The following INPP4B variants were observed in gnomAD, a reference collection of about 807,000 sequenced individuals.
INPP4B encodes inositol polyphosphate-4-phosphatase type II B, also known as inositol polyphosphate 4-phosphatase type II.
In INPP4B, 55 loss-of-function variants were observed where a neutral mutation model predicts 122.5. That is an observed-to-expected ratio of 0.45 (90% CI 0.36 to 0.56). INPP4B has a LOEUF of 0.56. INPP4B is among the 20% of genes least tolerant of loss of function. INPP4B has a pLI of 0.00. For missense variants in INPP4B, 1,000 were observed against 1,097.7 expected (o/e 0.91, Z 1.26); for synonymous variants, 403 against 388.7 (o/e 1.04, Z -0.43).
chr4:142,581,904 G>C (rs144281165), intron 2 of INPP4B, among the ~76,000 whole-genome samples: 51 of 152,122 alleles, frequency 3.4e-4, no homozygotes, highest in South Asian at 1.2e-3. Flanking sequence ...TGGCTGGCAT[G>C]AGAGAGGCTC....
chr4:142,050,422 TAAAAAC>T (rs1485049445), intron 25 of INPP4B, among the ~76,000 whole-genome samples: 4 of 151,972 alleles, frequency 2.6e-5, no homozygotes, highest in African/African-American at 9.7e-5. Context: ...AAAGAATAAT[TAAAAAC>T]AAAAAAGATT....
intron 2 of INPP4B, among the ~76,000 whole-genome samples, chr4:142,586,378 C>T (rs977109586): frequency 2.0e-5 from 3 of 152,080 alleles, no homozygotes; most frequent in African/African-American, 7.2e-5. Context: ...ATCCCTAAGT[C>T]TCCTTGTGTA....
intron 1 of INPP4B, among the ~76,000 whole-genome samples, chr4:142,838,448 C>T (rs1783090817): frequency 6.6e-6 from 1 of 151,970 alleles, no homozygotes. Flanking sequence ...AGTGTATACT[C>T]TTCTTTACTC....
intron 11 of INPP4B, among the ~76,000 whole-genome samples, chr4:142,259,845 C>G (rs1466692435): frequency 1.3e-5 from 2 of 152,060 alleles, no homozygotes; most frequent in African/African-American, 4.8e-5. Flanking sequence ...ACACCTTAGC[C>G]TAGGCCCACA....
intron 2 of INPP4B, among the ~76,000 whole-genome samples, chr4:142,644,750 A>AG: frequency 6.9e-6 from 1 of 145,390 alleles, no homozygotes. Flanking sequence ...TAAAAAAAAA[A>AG]AAAAAAAAAA....
chr4:142,538,569 C>T, intron 2 of INPP4B, among the ~76,000 whole-genome samples: 1 of 151,870 alleles, frequency 6.6e-6, no homozygotes, highest in East Asian at 1.9e-4. Context: ...AAAAGGATAC[C>T]TTCGTTGTCT....
intron 14 of INPP4B, among the ~76,000 whole-genome samples, chr4:142,207,160 C>T (rs576904865): frequency 1.3e-5 from 2 of 152,156 alleles, no homozygotes; most frequent in African/African-American, 2.4e-5. Context: ...AATAATAATC[C>T]AATCTTTGTA....
chr4:142,625,631 A>G (rs1580539702), intron 2 of INPP4B, among the ~76,000 whole-genome samples: 2 of 152,152 alleles, frequency 1.3e-5, no homozygotes, highest in South Asian at 2.1e-4. Context: ...GGAAAAAACT[A>G]CTTTAAAGTT....
At chr4:142,202,937 A>G (rs1841294709) in intron 14 of INPP4B, among the ~76,000 whole-genome samples, 3 of 151,994 alleles carry the variant, frequency 2.0e-5, no homozygotes, top group African/African-American at 7.2e-5. Context: ...GGTCTCCTTT[A>G]TTACTGTATG....
intron 25 of INPP4B, among the ~76,000 whole-genome samples, chr4:142,060,621 T>G (rs186177356): frequency 0.016 from 2,375 of 152,272 alleles, 79 homozygotes; most frequent in African/African-American, 0.055. Flanking sequence ...TTTTAACCCG[T>G]CTGTGGCTGT....
rs150344834 is a variant in INPP4B, at chr4:142,529,106, AC to A, written c.-190-66381del. 1.7e-3 allele frequency among the ~76,000 whole-genome samples: 253 copies of A among 152,214 alleles called. 2 individuals are homozygous for A. The highest frequency in any genetic ancestry group is 5.8e-3 in the African/African-American group (241 of 41,568). On this transcript the variant is annotated intron_variant, in intron 2 of 25. Coordinates refer to ENST00000262992, the MANE Select transcript of INPP4B (RefSeq NM_001101669.3). ...TGGCATTTCTCCTATCCATGAAACCACAGTGAGCCAATGTTTTAAAAATGAC... is the reference window on the plus strand; with the variant it reads ...TGGCATTTCTCCTATCCATGAAACCAAGTGAGCCAATGTTTTAAAAATGAC...
chr4:142,305,781 G>A (rs907371499), intron 8 of INPP4B: 11 of 1,301,102 alleles, frequency 8.5e-6, no homozygotes, highest in African/African-American at 7.6e-5. Context: ...ATAACAAGAG[G>A]TAAAATACAG....
intron 12 of INPP4B, among the ~76,000 whole-genome samples, chr4:142,236,214 T>A (rs1856649026): frequency 6.6e-6 from 1 of 152,216 alleles, no homozygotes. Flanking sequence ...ATGGCTCTAG[T>A]AAGAGTGGTT....
chr4:142,828,323 C>G (rs1002181553), intron 1 of INPP4B, among the ~76,000 whole-genome samples: 7 of 152,010 alleles, frequency 4.6e-5, no homozygotes, highest in Non-Finnish European at 8.8e-5. Flanking sequence ...TTACACAATA[C>G]TCAAAAGTGA....
At chr4:142,552,265 A>G (rs976559188) in intron 2 of INPP4B, among the ~76,000 whole-genome samples, 1 of 152,118 alleles carries the variant, frequency 6.6e-6, no homozygotes, top group African/African-American at 2.4e-5. Flanking sequence ...TGCTGAAGGG[A>G]AGATTCTGAT....
At chr4:142,575,364 T>A (rs1036442681) in intron 2 of INPP4B, among the ~76,000 whole-genome samples, 1 of 152,048 alleles carries the variant, frequency 6.6e-6, no homozygotes, top group Non-Finnish European at 1.5e-5. Flanking sequence ...TGAAGACCTG[T>A]TGTCATTTTA....
chr4:142,211,244 A>G (rs1401862761), intron 12 of INPP4B, among the ~76,000 whole-genome samples: 1 of 152,184 alleles, frequency 6.6e-6, no homozygotes, highest in Non-Finnish European at 1.5e-5. Context: ...GCATTTTTTA[A>G]AAAGGAAAGA....
intron 1 of INPP4B, among the ~76,000 whole-genome samples, chr4:142,792,791 A>C (rs2151069054): frequency 6.6e-6 from 1 of 152,212 alleles, no homozygotes; most frequent in South Asian, 2.1e-4. Context: ...TGATGTGAAA[A>C]CAATACCAAA....
intron 11 of INPP4B, among the ~76,000 whole-genome samples, chr4:142,244,602 C>A (rs997823054): frequency 6.6e-6 from 1 of 152,080 alleles, no homozygotes; most frequent in Non-Finnish European, 1.5e-5. Flanking sequence ...CATGCCCAGC[C>A]CACATTTTCT....
Sources: gnomAD v4.1 joint callset for allele counts (sites outside exome capture counted in the v4.1 genomes callset) on GRCh38, gnomAD v4.1.1 for gene constraint, MANE v1.5 for transcripts, NCBI Gene and HGNC (gene_info 2026-07-23, HGNC 2026-07-21) for gene names.